ASTN2: variants seen among roughly 807,000 people sequenced by gnomAD.
ASTN2 encodes the protein astrotactin-2.
ASTN2 carries 54 observed loss-of-function variants against 139.8 expected under a neutral mutation model. The observed-to-expected ratio is 0.39, with a 90% confidence interval of 0.31 to 0.48. ASTN2 has a LOEUF of 0.48. Ranked by LOEUF, ASTN2 falls within the 20% of genes least tolerant of loss-of-function variation. The probability of loss-of-function intolerance (pLI) is 0.95; values close to 1 mark genes in which losing one functional copy is unlikely to be tolerated. For synonymous variants in ASTN2, 756 were observed against 719.5 expected (o/e 1.05, Z -0.81); for missense variants, 1,565 against 1,725.1 (o/e 0.91, Z 1.64).
chr9:116,776,583 G>A (rs932480852), intron 13 of ASTN2, among the ~76,000 whole-genome samples: 7 of 152,068 alleles, frequency 4.6e-5, no homozygotes, highest in African/African-American at 1.7e-4. Flanking sequence ...AAATGGCCTT[G>A]GTTATTGAGG....
At chr9:116,725,971 T>C in intron 15 of ASTN2, 21 bp from the exon 16 acceptor site, 7 of 1,601,030 alleles carry the variant, frequency 4.4e-6, no homozygotes, top group Non-Finnish European at 6.0e-6. Context: ...GAGGAGCATG[T>C]GGAGGTGGTC....
intron 13 of ASTN2, among the ~76,000 whole-genome samples, chr9:116,754,509 G>C (rs1327087961): frequency 6.6e-6 from 1 of 152,028 alleles, no homozygotes; most frequent in African/African-American, 2.4e-5. Flanking sequence ...CATTCTAACT[G>C]GTGTGATGTC....
chr9:116,819,677 ACTT>A (rs1831429861), intron 12 of ASTN2, among the ~76,000 whole-genome samples: 2 of 152,236 alleles, frequency 1.3e-5, no homozygotes, highest in Non-Finnish European at 2.9e-5. Context: ...CATTAAATGT[ACTT>A]CTTCCATGAG....
intron 1 of ASTN2, among the ~76,000 whole-genome samples, chr9:117,375,055 G>C (rs548315392): frequency 3.9e-5 from 6 of 152,180 alleles, no homozygotes; most frequent in African/African-American, 1.2e-4. Context: ...GGTTTACTTA[G>C]TTAGTACTAG....
chr9:116,675,402 G>T (rs72762100), intron 16 of ASTN2, among the ~76,000 whole-genome samples: 15,159 of 152,042 alleles, frequency 0.1, 1,284 homozygotes, highest in East Asian at 0.4. Flanking sequence ...AATGCAGGGA[G>T]TCTGTTTATA....
chr9:116,643,101 A>G (rs1367820875), intron 17 of ASTN2, among the ~76,000 whole-genome samples: 3 of 152,230 alleles, frequency 2.0e-5, no homozygotes, highest in Admixed American at 1.3e-4. Flanking sequence ...AGTAAGCATA[A>G]TAGTGAATAC....
chr9:116,820,753 C>G lies in ASTN2; in HGVS notation c.2071G>C (p.Gly691Arg). ...CPEELKPMKD[G>R]SGCYDHSKGI... The stretch of plus-strand genomic sequence containing the variant: ...TTGGAGTGGTCGTAGCAGCCAGAGC[C>G]ATCCTTCATGGGTTTCAGCTCCTCA... The change falls in exon 12 of 23, where the codon GGC becomes CGC. Residue 691 changes from glycine to arginine, a missense_variant. By Grantham distance (125) the Gly-to-Arg change is moderately radical. Coordinates refer to ENST00000313400, the MANE Select transcript of ASTN2 (RefSeq NM_001365068.1). 1 of 1,614,094 alleles carries G rather than the reference C, an allele frequency of 6.2e-7. No homozygotes were observed.
intron 1 of ASTN2, among the ~76,000 whole-genome samples, chr9:117,335,434 T>C (rs1028668120): frequency 1.3e-5 from 2 of 152,214 alleles, no homozygotes; most frequent in African/African-American, 4.8e-5. Context: ...TCTGATCATA[T>C]ATTCCTCAAT....
chr9:116,502,235 CAG>C (rs1191735377), intron 19 of ASTN2, among the ~76,000 whole-genome samples: 34 of 151,106 alleles, frequency 2.3e-4, no homozygotes, highest in East Asian at 7.8e-4. Flanking sequence ...TAGAGACACA[CAG>C]AGAGAGACAG....
chr9:117,249,411 C>T (rs1014862409), intron 2 of ASTN2, among the ~76,000 whole-genome samples: 14 of 152,176 alleles, frequency 9.2e-5, no homozygotes, highest in African/African-American at 3.1e-4. Flanking sequence ...TATTTTCACT[C>T]TGATTCTCCT....
Position 117,148,582 on chromosome 9 carries a change from A to C in ASTN2, c.1016-7104T>G, listed in dbSNP as rs10983547. Among the ~76,000 whole-genome samples the C allele has an allele frequency of 1.5e-3, 229 of 152,312 alleles. 5 individuals are homozygous for C. The East Asian group carries it at 0.04, about 27-fold the overall frequency. ...GCAGCAGACCAAGGTCTAGCACTCAAATCTCCTATTCCACTACTCCTCCCT... is the reference window on the plus strand; with the variant it reads ...GCAGCAGACCAAGGTCTAGCACTCACATCTCCTATTCCACTACTCCTCCCT... On this transcript the variant is annotated intron_variant, in intron 3 of 22. Coordinates refer to ENST00000313400, the MANE Select transcript of ASTN2 (RefSeq NM_001365068.1).
chr9:117,329,506 C>T (rs1828632780), intron 1 of ASTN2, among the ~76,000 whole-genome samples: 1 of 152,046 alleles, frequency 6.6e-6, no homozygotes, highest in Non-Finnish European at 1.5e-5. Flanking sequence ...TTCACTTTTT[C>T]ACATGGATTC....
chr9:116,425,871 C>T lies in ASTN2; in HGVS notation c.4000G>A (p.Gly1334Arg), dbSNP rs190067377. The T allele has an allele frequency of 3.8e-5, 61 of 1,614,158 alleles. No individual in the cohort carries two copies. Among genetic ancestry groups the T allele is most frequent in the African/African-American group, 1.9e-4 (14 of 75,042 alleles). Reference protein sequence around the residue: ...KMVSMARNTYGESKGR With the variant: ...KMVSMARNTYRESKGR ...CTCCCTCACCGGCCCTTGGACTCCC[C>T]GTACGTGTTTCGGGCCATTGACACC... The change falls in exon 23 of 23, where the codon GGG (glycine) becomes AGG (arginine). Residue 1334 changes from glycine (G) to arginine (R), a missense_variant. Transcript: ENST00000313400.
intron 4 of ASTN2, among the ~76,000 whole-genome samples, chr9:117,132,974 G>T (rs1005310180): frequency 6.6e-6 from 1 of 152,048 alleles, no homozygotes; most frequent in Non-Finnish European, 1.5e-5. Context: ...CAGATACTGG[G>T]GATGAATAAT....
intron 2 of ASTN2, among the ~76,000 whole-genome samples, chr9:117,245,191 T>C (rs756677445): frequency 2.0e-5 from 3 of 152,204 alleles, no homozygotes. Context: ...CTGTCTGTTC[T>C]GAAAGACGAA....
At chr9:116,914,672 G>C (rs1000825320) in intron 10 of ASTN2, among the ~76,000 whole-genome samples, 1 of 151,804 alleles carries the variant, frequency 6.6e-6, no homozygotes, top group Admixed American at 6.6e-5. Context: ...AGATAGGGAA[G>C]AGGATAGGAA....
chr9:116,887,233 AG>A (rs1564323728), intron 10 of ASTN2, among the ~76,000 whole-genome samples: 1 of 152,148 alleles, frequency 6.6e-6, no homozygotes, highest in African/African-American at 2.4e-5. Context: ...TGAGACAGCC[AG>A]GGGAGACAGA....
intron 11 of ASTN2, among the ~76,000 whole-genome samples, chr9:116,856,521 G>C (rs1416315081): frequency 6.6e-6 from 1 of 152,168 alleles, no homozygotes; most frequent in African/African-American, 2.4e-5. Context: ...GTCATTAAGA[G>C]GGGGAAAGGA....
At chr9:116,898,958 G>T (rs1354273116) in intron 10 of ASTN2, among the ~76,000 whole-genome samples, 1 of 152,154 alleles carries the variant, frequency 6.6e-6, no homozygotes, top group Non-Finnish European at 1.5e-5. Context: ...TTTCAGGCAT[G>T]AGCTACCATA....
Sources: allele counts gnomAD v4.1 joint callset (sites outside exome capture counted in the v4.1 genomes callset), GRCh38; gene constraint gnomAD v4.1.1; transcripts MANE v1.5; gene names NCBI Gene and HGNC (gene_info 2026-07-23, HGNC 2026-07-21).